Variants in TRPM4 observed in about 807,000 individuals in gnomAD.
The protein encoded by TRPM4 is calcium-activated non-selective cation channel 1.
TRPM4 carries 124 observed loss-of-function variants against 135.6 expected under a neutral mutation model. That is an observed-to-expected ratio of 0.91 (90% CI 0.79 to 1.06). The LOEUF (loss-of-function observed/expected upper bound fraction) is 1.06. Among genes scored for constraint, TRPM4 ranks in the 50% least tolerant of loss-of-function variants. The pLI, the probability that TRPM4 is intolerant of heterozygous loss-of-function variation, is 0.00. For missense variants in TRPM4, 1,658 were observed against 1,671.4 expected, an observed-to-expected ratio of 0.99 and a Z score of 0.14; for synonymous variants, 745 against 705.6, an observed-to-expected ratio of 1.06 and a Z score of -0.88.
In TRPM4 at chr19:49,210,135, C is replaced by A; in HGVS notation, c.3132-74C>A. Reference sequence around the variant, plus strand: ...CTGCTATAGACTGAACAATTATTGCCTGGCATCTAACCTTCGTCCTTGCCC... The same window carrying A: ...CTGCTATAGACTGAACAATTATTGCATGGCATCTAACCTTCGTCCTTGCCC... On this transcript the variant is annotated intron_variant, in intron 20 of 24. Coordinates refer to ENST00000252826, the MANE Select transcript of TRPM4 (RefSeq NM_017636.4). The surrounding 1 kb of genome is among the most constrained non-coding windows in gnomAD (Gnocchi z 4.1). The A allele has an allele frequency of 1.4e-6, 2 of 1,426,566 alleles. No individual in the cohort carries two copies. The highest frequency in any genetic ancestry group is 1.4e-5 in the African/African-American group (1 of 71,330). The allele number at this position is 1,426,566 out of a possible 1,614,324, so 88.4% of individuals were successfully genotyped here. A position where few individuals can be genotyped will look rare whatever the true frequency, so the allele number is the denominator to read the frequency against.
intron 16 of TRPM4, among the ~76,000 whole-genome samples, chr19:49,196,196 T>C (rs919979797): frequency 6.6e-6 from 1 of 152,150 alleles, no homozygotes; most frequent in African/African-American, 2.4e-5. Context: ...GAGATGAGGT[T>C]TTGCCATGTT....
rs145755269 is a variant in TRPM4 at position 49,182,694 on chromosome 19, G to C, written c.1380G>C (p.Leu460=). 533 of 1,614,148 alleles carry C rather than the reference G, an allele frequency of 3.3e-4. 1 individual carries two copies. The highest frequency in any genetic ancestry group is 9.8e-4 in the Admixed American group (59 of 60,022). Residue 460 remains leucine (L), a synonymous_variant, in exon 11 of 25, where the codon CTG becomes CTC. Transcript: ENST00000252826. ...GCCACTTCCTGACCCCGATGCGCCT[G>C]GCCCAACTCTACAGCGCGGCGCCCT... ...SLGHFLTPMR[L]AQLYSAAPSN...
chr19:49,185,021 A>C (rs1252373904), intron 12 of TRPM4, among the ~76,000 whole-genome samples: 1 of 150,794 alleles, frequency 6.6e-6, no homozygotes, highest in Non-Finnish European at 1.5e-5. Context: ...CCCTGCCTCT[A>C]TCTCTGTATT....
Position 49,211,769 on chromosome 19 carries a change from CAG to C in TRPM4, c.*272_*273del. 1.7e-6 allele frequency: 1 copy of C among 575,504 alleles called. No homozygotes were observed. The highest frequency in any genetic ancestry group is 3.1e-6 in the Non-Finnish European group (1 of 321,390). The allele number at this position is 575,504 out of a possible 1,614,324, so 35.6% of individuals were successfully genotyped here. A position where few individuals can be genotyped will look rare whatever the true frequency, so the allele number is the denominator to read the frequency against. ...GGAGGCTGCAGGGTCCTTGGGGTAA[CAG>C]GGACCACAGACCCCTCACCACTCAC... On this transcript the variant is annotated 3_prime_UTR_variant, in exon 25 of 25. Transcript: ENST00000252826. This position sits in a 1 kb window ranked among gnomAD's most constrained non-coding sequence, Gnocchi z 4.8.
chr19:49,160,703 G>A (rs1029200577), intron 2 of TRPM4, among the ~76,000 whole-genome samples: 23 of 152,120 alleles, frequency 1.5e-4, no homozygotes, highest in African/African-American at 5.3e-4. Flanking sequence ...TTGGGAGCTG[G>A]GGCATCACCG....
chr19:49,174,296 G>A (rs988739878), intron 9 of TRPM4, among the ~76,000 whole-genome samples: 12 of 152,120 alleles, frequency 7.9e-5, no homozygotes, highest in Admixed American at 5.2e-4. Context: ...GGGATTACAG[G>A]CACGTGCCAT....
chr19:49,171,681 C>T lies in TRPM4; in HGVS notation c.962C>T (p.Pro321Leu), dbSNP rs2122835175. The change falls in exon 8 of 25, where the codon CCA (proline) becomes CTA (leucine). Residue 321 changes from proline (P) to leucine (L), a missense_variant. Around this residue, in one of 3 missense-constraint regions of TRPM4, gnomAD observed 1,412 missense variants for 1,408.7 expected, o/e 1.00. Coordinates refer to ENST00000252826, the MANE Select transcript of TRPM4 (RefSeq NM_017636.4). This position sits in a 1 kb window ranked among gnomAD's most constrained non-coding sequence, Gnocchi z 4.7. Reference sequence around the variant, plus strand: ...GAGACCCTGGAAGACACTCTGGCCCCAGGGAGTGGGGGAGCCAGGCAAGGC... The same window carrying T: ...GAGACCCTGGAAGACACTCTGGCCCTAGGGAGTGGGGGAGCCAGGCAAGGC... ...LAETLEDTLA[P>L]GSGGARQGEA... The T allele has an allele frequency of 1.2e-6, 2 of 1,614,034 alleles. No individual in the cohort carries two copies. Among genetic ancestry groups the T allele is most frequent in the Non-Finnish European group, 1.7e-6 (2 of 1,180,018 alleles).
At chr19:49,160,539 CAA>C (rs1461483424) in intron 2 of TRPM4, among the ~76,000 whole-genome samples, 2 of 151,250 alleles carry the variant, frequency 1.3e-5, no homozygotes, top group Admixed American at 6.6e-5. Flanking sequence ...ACAGCATGTG[CAA>C]AGTCCTTGCT....
At position 49,210,653 on chromosome 19, in the gene TRPM4, C is replaced by T. The variant is rs1969320587; in HGVS notation, c.3329-57C>T. On this transcript the variant is annotated intron_variant, in intron 21 of 24. Coordinates refer to ENST00000252826, the MANE Select transcript of TRPM4 (RefSeq NM_017636.4). This position sits in a 1 kb window ranked among gnomAD's most constrained non-coding sequence, Gnocchi z 4.1. Reference sequence around the variant, plus strand: ...CGTGTTCTGAGGGTGTCGGAAGGGGCAGCTGGGATTGGGAAGGGGCGTGGC... The same window carrying T: ...CGTGTTCTGAGGGTGTCGGAAGGGGTAGCTGGGATTGGGAAGGGGCGTGGC... 1 of 1,612,788 alleles carries T rather than the reference C, an allele frequency of 6.2e-7. No individual in the cohort carries two copies. Among genetic ancestry groups the T allele is most frequent in the African/African-American group, 1.3e-5 (1 of 74,884 alleles).
chr19:49,196,716 G>A lies in TRPM4; in HGVS notation c.2487G>A (p.Leu829=), dbSNP rs764718481. 7 of 1,552,880 alleles carry A rather than the reference G, an allele frequency of 4.5e-6. No homozygotes were observed. Among genetic ancestry groups the A allele is most frequent in the Middle Eastern group, 1.7e-4 (1 of 5,998 alleles). ...FWAFTLLCEE[L]RQGLSGGGGS... is the part of the protein sequence containing the mutation. ...CTTTCACGCTGCTGTGCGAGGAACT[G>A]CGCCAGGGCCTGAGCGGAGGCGGGG... is the stretch of plus-strand genomic sequence containing the variant. The change falls in exon 17 of 25, where the codon CTG becomes CTA. Residue 829 remains leucine, a synonymous_variant. Coordinates refer to ENST00000252826, the MANE Select transcript of TRPM4 (RefSeq NM_017636.4).
Position 49,210,644 on chromosome 19 carries a change from C to G in TRPM4, c.3329-66C>G, listed in dbSNP as rs986295309. 24 of 1,611,450 alleles carry G rather than the reference C, an allele frequency of 1.5e-5. No individual in the cohort carries two copies. Among genetic ancestry groups the G allele is most frequent in the Non-Finnish European group, 2.0e-5 (23 of 1,178,724 alleles). ...GATAGCGTGCGTGTTCTGAGGGTGT[C>G]GGAAGGGGCAGCTGGGATTGGGAAG... On this transcript the variant is annotated intron_variant, in intron 21 of 24. Coordinates refer to ENST00000252826, the MANE Select transcript of TRPM4 (RefSeq NM_017636.4). This position sits in a 1 kb window ranked among gnomAD's most constrained non-coding sequence, Gnocchi z 4.1.
chr19:49,197,797 C>T (rs527987554), intron 17 of TRPM4, among the ~76,000 whole-genome samples: 86 of 152,026 alleles, frequency 5.7e-4, no homozygotes, highest in Admixed American at 1.2e-3. Context: ...ATTCTCTTGC[C>T]TCAGCCTCGT....
rs190862107 is a variant in TRPM4 at position 49,200,508 on chromosome 19, G to T, written c.2778+76G>T. ...GGCCAGGGAGGGAGTGGTCCGTGGAGAAGGGGCGTGACTTTGGGGAGCAAT... is the reference window on the plus strand; with the variant it reads ...GGCCAGGGAGGGAGTGGTCCGTGGATAAGGGGCGTGACTTTGGGGAGCAAT... On this transcript the variant is annotated intron_variant, in intron 18 of 24. Coordinates refer to ENST00000252826, the MANE Select transcript of TRPM4 (RefSeq NM_017636.4). The T allele has an allele frequency of 4.2e-5, 67 of 1,593,886 alleles. No individual in the cohort carries two copies. In the African/African-American group the frequency reaches 8.7e-4, roughly 21 times the overall value.
intron 9 of TRPM4, among the ~76,000 whole-genome samples, chr19:49,175,105 C>T (rs111515431): frequency 0.028 from 2,822 of 100,294 alleles, 51 homozygotes; most frequent in Middle Eastern, 0.052. Flanking sequence ...GACGGAGTTT[C>T]GCTCTTGTTG....
chr19:49,157,830 GC>G lies in TRPM4; in HGVS notation c.-34del. 1 of 1,534,070 alleles carries G rather than the reference GC, an allele frequency of 6.5e-7. No individual in the cohort carries two copies. Among genetic ancestry groups the G allele is most frequent in the Non-Finnish European group, 8.7e-7 (1 of 1,145,988 alleles). ...CAGAGCCGGCGGAGGGAGCGCCGGG[GC>G]CCTGGGCTGCAGGAGGTTGCGGCGG... On this transcript the variant is annotated 5_prime_UTR_variant, in exon 1 of 25. Transcript: ENST00000252826.
rs1008870273 is a variant in TRPM4 at position 49,188,913 on chromosome 19, A to G, written c.1874-33A>G. On this transcript the variant is annotated intron_variant, in intron 13 of 24. Coordinates refer to ENST00000252826, the MANE Select transcript of TRPM4 (RefSeq NM_017636.4). ...TCACACCCTCACCCTACTCCTTCCC[A>G]TCCCTGTCACATAACTAACTCCTCT... 3.1e-6 allele frequency: 5 copies of G among 1,613,592 alleles called. No individual in the cohort carries two copies. In the African/African-American group the frequency reaches 5.3e-5, roughly 17 times the overall value.
rs869232937 is a variant in TRPM4 at position 49,164,364 on chromosome 19, G to GTTTTTTTT, written c.93-1650_93-1643dup. Among the ~76,000 whole-genome samples, 142 of 16,264 alleles carry GTTTTTTTT rather than the reference G, an allele frequency of 8.7e-3. 19 individuals carry two copies. The highest frequency in any genetic ancestry group is 0.017 in the Admixed American group (12 of 716). The allele number at this position is 16,264 out of a possible 152,430, so 10.7% of individuals were successfully genotyped here. ...CCTCCCTCCTTCCTTTCTTTCCTTA[G>GTTTTTTTT]TTTTTTTTTTTTTTTTTTTTTTTTT... is the stretch of plus-strand genomic sequence containing the variant. On this transcript the variant is annotated intron_variant, in intron 2 of 24. Coordinates refer to ENST00000252826, the MANE Select transcript of TRPM4 (RefSeq NM_017636.4).
At chr19:49,162,569 A>C (rs554564533) in intron 2 of TRPM4, among the ~76,000 whole-genome samples, 307 of 152,168 alleles carry the variant, frequency 2.0e-3, no homozygotes, top group African/African-American at 6.6e-3. Flanking sequence ...AACAAACAAA[A>C]AAACAATTTA....
chr19:49,204,442 T>A (rs1357662975), intron 20 of TRPM4, among the ~76,000 whole-genome samples: 2 of 151,802 alleles, frequency 1.3e-5, no homozygotes, highest in Non-Finnish European at 2.9e-5. Flanking sequence ...TTGTAAAAAT[T>A]ATAGTCATCC....
Sources: gnomAD v4.1 joint callset for allele counts (sites outside exome capture counted in the v4.1 genomes callset) on GRCh38, gnomAD v4.1.1 for gene constraint, gnomAD v4.1.1 regional missense constraint, Gnocchi (gnomAD v3.1) non-coding constraint, MANE v1.5 for transcripts, NCBI Gene and HGNC (gene_info 2026-07-23, HGNC 2026-07-21) for gene names.